Variants in XKR6 observed in about 807,000 individuals in gnomAD.
XKR6 encodes XK related 6.
XKR6 carries 22 observed loss-of-function variants against 56.7 expected under a neutral mutation model. The observed-to-expected ratio is 0.39, with a 90% CI of 0.28 to 0.55. XKR6 has a LOEUF of 0.55. XKR6 is among the 20% of genes least tolerant of loss of function. The probability of loss-of-function intolerance (pLI) is 0.66; values close to 1 mark genes in which losing one functional copy is unlikely to be tolerated. For synonymous variants in XKR6, 524 were observed against 387.8 expected (o/e 1.35, Z -4.13); for missense variants, 852 against 889.0 (o/e 0.96, Z 0.53).
At chr8:11,068,835 T>A (rs1800046054) in intron 1 of XKR6, among the ~76,000 whole-genome samples, 1 of 152,146 alleles carries the variant, frequency 6.6e-6, no homozygotes, top group African/African-American at 2.4e-5. Flanking sequence ...CCTCGGTGCC[T>A]GCTAAACTGG....
chr8:11,088,913 C>A (rs1275742533), intron 1 of XKR6, among the ~76,000 whole-genome samples: 2 of 152,154 alleles, frequency 1.3e-5, no homozygotes, highest in African/African-American at 2.4e-5. Flanking sequence ...TGTGGCAGGG[C>A]AAATCAGGGT....
chr8:11,163,645 G>A (rs1189633148), intron 1 of XKR6, among the ~76,000 whole-genome samples: 1 of 152,198 alleles, frequency 6.6e-6, no homozygotes, highest in African/African-American at 2.4e-5. Context: ...GGAATAGAAC[G>A]CATTGCTTTG....
chr8:10,993,687 C>T (rs548665332), intron 1 of XKR6, among the ~76,000 whole-genome samples: 3 of 152,174 alleles, frequency 2.0e-5, no homozygotes, highest in African/African-American at 7.2e-5. Context: ...CACTGGGAGC[C>T]CCTTTGTCTT....
chr8:10,969,739 G>A (rs1802344936), intron 1 of XKR6, among the ~76,000 whole-genome samples: 1 of 152,220 alleles, frequency 6.6e-6, no homozygotes, highest in South Asian at 2.1e-4. Context: ...ACCCACTGGG[G>A]CTGAGCTGGA....
intron 1 of XKR6, among the ~76,000 whole-genome samples, chr8:11,094,901 G>A (rs1798217914): frequency 6.6e-6 from 1 of 152,220 alleles, no homozygotes; most frequent in African/African-American, 2.4e-5. Context: ...CTGAAGGAGG[G>A]AGAGCATCAG....
At chr8:11,165,377 C>T (rs1203365263) in intron 1 of XKR6, among the ~76,000 whole-genome samples, 2 of 152,086 alleles carry the variant, frequency 1.3e-5, no homozygotes, top group Non-Finnish European at 2.9e-5. Flanking sequence ...GGATTACGGG[C>T]ATGAGCCACA....
intron 1 of XKR6, among the ~76,000 whole-genome samples, chr8:11,133,361 G>C (rs908870539): frequency 6.6e-6 from 1 of 152,110 alleles, no homozygotes; most frequent in Non-Finnish European, 1.5e-5. Context: ...GTCATGATTA[G>C]GGCCTCTGAG....
chr8:11,120,078 C>T (rs1799371878), intron 1 of XKR6, among the ~76,000 whole-genome samples: 1 of 152,166 alleles, frequency 6.6e-6, no homozygotes, highest in Admixed American at 6.5e-5. Flanking sequence ...CAGCCAATAA[C>T]ATACTGAATG....
chr8:11,160,924 A>G (rs1364882778), intron 1 of XKR6, among the ~76,000 whole-genome samples: 1 of 151,308 alleles, frequency 6.6e-6, no homozygotes, highest in Non-Finnish European at 1.5e-5. Context: ...AAAAAAAAAA[A>G]AAAAAAAGAA....
At chr8:11,141,126 G>C (rs921784793) in intron 1 of XKR6, among the ~76,000 whole-genome samples, 4 of 152,158 alleles carry the variant, frequency 2.6e-5, no homozygotes, top group Non-Finnish European at 5.9e-5. Flanking sequence ...AGAAGGGGGA[G>C]AACAGATGCA....
intron 1 of XKR6, among the ~76,000 whole-genome samples, chr8:10,989,501 G>A (rs1213052493): frequency 6.6e-6 from 1 of 152,126 alleles, no homozygotes; most frequent in Non-Finnish European, 1.5e-5. Flanking sequence ...GAAGTCCCAG[G>A]GAAGAAGAGA....
intron 1 of XKR6, among the ~76,000 whole-genome samples, chr8:11,148,797 G>A (rs1801122396): frequency 6.6e-6 from 1 of 152,136 alleles, no homozygotes; most frequent in Non-Finnish European, 1.5e-5. Context: ...GCAGATGAAT[G>A]GACAAACTGG....
chr8:11,112,395 G>A (rs1301784531), intron 1 of XKR6, among the ~76,000 whole-genome samples: 1 of 152,034 alleles, frequency 6.6e-6, no homozygotes, highest in East Asian at 1.9e-4. Flanking sequence ...TAACCACAAA[G>A]AGGTAGGCCT....
At chr8:10,917,990 T>C (rs191414453) in intron 2 of XKR6, among the ~76,000 whole-genome samples, 2 of 152,332 alleles carry the variant, frequency 1.3e-5, no homozygotes, top group African/African-American at 2.4e-5. Context: ...CTATCAAGAA[T>C]CTCAGGGTCT....
chr8:11,132,767 GCACA>G (rs149748655), intron 1 of XKR6, among the ~76,000 whole-genome samples: 5 of 138,190 alleles, frequency 3.6e-5, no homozygotes, highest in East Asian at 2.0e-4. Flanking sequence ...ACACACGCAC[GCACA>G]CACACACACA....
Position 10,898,269 on chromosome 8 carries a change from G to A in XKR6, c.1609C>T (p.Arg537Trp), listed in dbSNP as rs777409714. ...EPMAPEIPGY[R>W]GTQVTPTRAV... ...CTGGTGGGCGTAACCTGGGTCCCCC[G>A]GTACCCAGGGATCTCAGGCGCCATG... Residue 537 changes from arginine to tryptophan, a missense_variant, in exon 3 of 3, where the codon CGG becomes TGG. Arg to Trp is a moderately radical substitution (Grantham distance 101). Transcript: ENST00000416569. This position sits in a 1 kb window ranked among gnomAD's most constrained non-coding sequence, Gnocchi z 6.6. 5.6e-5 allele frequency: 90 copies of A among 1,613,970 alleles called. No individual in the cohort carries two copies. Among genetic ancestry groups the A allele is most frequent in the African/African-American group, 5.3e-5 (4 of 74,888 alleles).
intron 2 of XKR6, among the ~76,000 whole-genome samples, chr8:10,916,828 G>C (rs1366380389): frequency 6.6e-6 from 1 of 152,250 alleles, no homozygotes; most frequent in Non-Finnish European, 1.5e-5. Flanking sequence ...GACGCAGTCA[G>C]TCTGAGTTCT....
intron 1 of XKR6, among the ~76,000 whole-genome samples, chr8:11,148,944 C>A (rs557824210): frequency 6.6e-6 from 1 of 152,112 alleles, no homozygotes; most frequent in Non-Finnish European, 1.5e-5. Context: ...ATTCCATCAA[C>A]GTAAGATTCC....
chr8:10,979,049 G>T (rs989594833), intron 1 of XKR6, among the ~76,000 whole-genome samples: 4 of 151,996 alleles, frequency 2.6e-5, no homozygotes, highest in Non-Finnish European at 5.9e-5. Context: ...TCCTATCAAA[G>T]CCTGCTTGAC....
Sources: gnomAD v4.1 joint callset for allele counts (sites outside exome capture counted in the v4.1 genomes callset) on GRCh38, gnomAD v4.1.1 for gene constraint, Gnocchi (gnomAD v3.1) non-coding constraint, MANE v1.5 for transcripts, NCBI Gene and HGNC (gene_info 2026-07-23, HGNC 2026-07-21) for gene names.